The following CNST variants were observed in gnomAD, a reference collection of about 807,000 sequenced individuals.
CNST encodes consortin.
Under a neutral mutation model 72.4 loss-of-function variants are expected in CNST, and 39 were observed. The observed-to-expected ratio is 0.54, with a 90% confidence interval of 0.42 to 0.70. The LOEUF is 0.70. Ranked by LOEUF, CNST falls within the 30% of genes least tolerant of loss-of-function variation. CNST has a pLI of 0.00. For synonymous variants in CNST, 332 were observed against 320.1 expected (o/e 1.04, Z -0.40); for missense variants, 871 against 868.5 (o/e 1.00, Z -0.04).
At chr1:246,580,028 C>A (rs937707244) in intron 1 of CNST, among the ~76,000 whole-genome samples, 2 of 152,142 alleles carry the variant, frequency 1.3e-5, no homozygotes, top group Non-Finnish European at 2.9e-5. Context: ...TTAGAGCTTC[C>A]TTTCTTACTG....
At chr1:246,656,122 G>A (rs1666755184) in intron 9 of CNST, among the ~76,000 whole-genome samples, 1 of 152,182 alleles carries the variant, frequency 6.6e-6, no homozygotes, top group Admixed American at 6.5e-5. Flanking sequence ...GTGTGTTCTT[G>A]TTCAGAATTG....
In CNST at chr1:246,633,928, G is replaced by C; in HGVS notation, c.621G>C (p.Glu207Asp). ...AESYFQEEDY[E>D]KAMKFIQLER... The stretch of plus-strand genomic sequence containing the variant: ...TTCCTTAAATGTTCTATTCAGATGA[G>C]AAAGCAATGAAATTCATTCAGCTAG... The change falls in exon 5 of 11, where the codon GAG becomes GAC. Residue 207 changes from glutamate (E) to aspartate (D), a missense_variant. By Grantham distance (45) the Glu-to-Asp change is conservative (BLOSUM62 2). Transcript: ENST00000366513. The C allele has an allele frequency of 6.2e-7, 1 of 1,600,266 alleles. No homozygotes were observed. The highest frequency in any genetic ancestry group is 8.6e-7 in the Non-Finnish European group (1 of 1,167,576).
chr1:246,642,814 A>G (rs867595374), intron 8 of CNST, among the ~76,000 whole-genome samples: 1 of 136 alleles, frequency 7.4e-3, no homozygotes, highest in African/African-American at 0.042. Flanking sequence ...AAGTGATATG[A>G]TGATGGTGAT....
chr1:246,644,823 C>T (rs912114369), intron 8 of CNST, among the ~76,000 whole-genome samples: 5 of 152,144 alleles, frequency 3.3e-5, no homozygotes, highest in African/African-American at 1.2e-4. Context: ...CCTTTGGGTA[C>T]CTGGAATTCA....
intron 6 of CNST, among the ~76,000 whole-genome samples, chr1:246,634,990 G>C (rs142891890): frequency 6.0e-5 from 9 of 149,616 alleles, no homozygotes; most frequent in Non-Finnish European, 3.0e-5. Flanking sequence ...TCTTCCGGCC[G>C]GCCCTCTTCC....
intron 2 of CNST, among the ~76,000 whole-genome samples, chr1:246,599,216 T>G (rs968466480): frequency 2.6e-5 from 4 of 151,594 alleles, no homozygotes; most frequent in Non-Finnish European, 5.9e-5. Context: ...GTGTGTTAGT[T>G]TTCTATTGCT....
At chr1:246,645,646 C>G (rs1454901172) in intron 8 of CNST, among the ~76,000 whole-genome samples, 2 of 151,868 alleles carry the variant, frequency 1.3e-5, no homozygotes, top group Non-Finnish European at 2.9e-5. Flanking sequence ...ACAGGATGGT[C>G]TCGATCTCCT....
intron 1 of CNST, chr1:246,569,918 C>G: frequency 1.0e-6 from 1 of 983,062 alleles, no homozygotes; most frequent in Non-Finnish European, 1.2e-6. Context: ...TGAGGACCTT[C>G]AAGAAGATTG....
chr1:246,599,325 T>C (rs1369670265), intron 2 of CNST, among the ~76,000 whole-genome samples: 2 of 152,234 alleles, frequency 1.3e-5, no homozygotes, highest in Non-Finnish European at 2.9e-5. Context: ...GAATCTGACA[T>C]GGTTCCTACT....
At chr1:246,649,157 T>G (rs890131692) in intron 9 of CNST, among the ~76,000 whole-genome samples, 1 of 82,732 alleles carries the variant, frequency 1.2e-5, no homozygotes, top group Non-Finnish European at 2.6e-5. Flanking sequence ...CAGACTGTTG[T>G]TTTGTTTTTT....
At chr1:246,580,121 G>A (rs1660690872) in intron 1 of CNST, among the ~76,000 whole-genome samples, 3 of 152,296 alleles carry the variant, frequency 2.0e-5, no homozygotes, top group Admixed American at 2.0e-4. Flanking sequence ...CTTCTTGAAA[G>A]TGGTAATAAA....
intron 9 of CNST, among the ~76,000 whole-genome samples, chr1:246,658,008 C>T (rs1361886328): frequency 6.6e-6 from 1 of 151,972 alleles, no homozygotes; most frequent in Non-Finnish European, 1.5e-5. Flanking sequence ...CTTGAAAATC[C>T]CTGTGGTAGG....
chr1:246,634,963 T>TCTGG (rs1322491731), intron 6 of CNST, among the ~76,000 whole-genome samples: 48 of 151,610 alleles, frequency 3.2e-4, no homozygotes, highest in African/African-American at 1.1e-3. Flanking sequence ...GTGCGTGTCT[T>TCTGG]CCGGCCGGGG....
intron 6 of CNST, among the ~76,000 whole-genome samples, chr1:246,639,453 G>A (rs892661148): frequency 6.6e-6 from 1 of 152,144 alleles, no homozygotes; most frequent in African/African-American, 2.4e-5. Flanking sequence ...GGAGCAGTGT[G>A]CGGTCGGTTG....
intron 1 of CNST, among the ~76,000 whole-genome samples, chr1:246,568,632 CTGGTGCCATCTCGGT>C (rs1245665252): frequency 6.6e-6 from 1 of 152,200 alleles, no homozygotes; most frequent in African/African-American, 2.4e-5. Flanking sequence ...GTCGCCTAGG[CTGGTGCCATCTCGGT>C]TCACTGCAAC....
At chr1:246,570,568 A>C (rs12062784) in intron 1 of CNST, among the ~76,000 whole-genome samples, 45,377 of 152,132 alleles carry the variant, frequency 0.3, 7,683 homozygotes, top group Admixed American at 0.38. Context: ...GTCATGATAG[A>C]CCTGGCACAA....
At chr1:246,646,371 C>T (rs1010542712) in intron 8 of CNST, among the ~76,000 whole-genome samples, 1 of 151,756 alleles carries the variant, frequency 6.6e-6, no homozygotes, top group African/African-American at 2.4e-5. Context: ...CGAGTTTGTT[C>T]CTTTAATCTT....
At chr1:246,578,227 A>G (rs1010005178) in intron 1 of CNST, among the ~76,000 whole-genome samples, 1 of 152,120 alleles carries the variant, frequency 6.6e-6, no homozygotes, top group Non-Finnish European at 1.5e-5. Context: ...TGCATGAAAT[A>G]ACTTGAGAAA....
chr1:246,592,210 C>T (rs1298146333), intron 2 of CNST, among the ~76,000 whole-genome samples: 2 of 152,080 alleles, frequency 1.3e-5, no homozygotes, highest in East Asian at 1.9e-4. Context: ...GTGCTGAGGC[C>T]GGGTACGGTG....
Sources: allele counts gnomAD v4.1 joint callset (sites outside exome capture counted in the v4.1 genomes callset), GRCh38; gene constraint gnomAD v4.1.1; transcripts MANE v1.5; gene names NCBI Gene and HGNC (gene_info 2026-07-23, HGNC 2026-07-21).